Variants in PCDHA10 observed in about 807,000 individuals in gnomAD.
PCDHA10 encodes the protein protocadherin alpha 10, also known as protocadherin alpha-10.
A neutral mutation model predicts 61.2 loss-of-function variants in PCDHA10; 45 were observed. That is an observed-to-expected ratio of 0.74 (90% CI 0.58 to 0.94). PCDHA10 has a LOEUF of 0.94. Among genes scored for constraint, PCDHA10 ranks in the 40% least tolerant of loss-of-function variants. The pLI is 0.00. For synonymous variants in PCDHA10, 602 were observed against 548.8 expected (o/e 1.10, Z -1.35); for missense variants, 1,278 against 1,236.2 (o/e 1.03, Z -0.51).
At chr5:140,932,709 A>G (rs2088560759) in intron 1 of PCDHA10, among the ~76,000 whole-genome samples, 1 of 151,956 alleles carries the variant, frequency 6.6e-6, no homozygotes, top group African/African-American at 2.4e-5. Context: ...TATAGACAAC[A>G]CAATAATATT....
At chr5:140,886,921 C>T (rs778306326) in intron 1 of PCDHA10, among the ~76,000 whole-genome samples, 2 of 151,406 alleles carry the variant, frequency 1.3e-5, no homozygotes, top group African/African-American at 4.9e-5. Context: ...TGAGTGTTCT[C>T]TATGTGCCAG....
At chr5:140,882,960 C>G in intron 1 of PCDHA10, 11 of 1,614,166 alleles carry the variant, frequency 6.8e-6, no homozygotes, top group Non-Finnish European at 5.9e-6. Flanking sequence ...CTGCTCATCA[C>G]GATTCTGGAC....
At chr5:140,983,228 A>T (rs1012242202) in intron 3 of PCDHA10, among the ~76,000 whole-genome samples, 4 of 152,240 alleles carry the variant, frequency 2.6e-5, no homozygotes, top group Non-Finnish European at 4.4e-5. Context: ...CCAAACTTTC[A>T]GGAAAGAGAA....
intron 1 of PCDHA10, among the ~76,000 whole-genome samples, chr5:140,898,820 G>A (rs1303151513): frequency 6.6e-6 from 1 of 152,208 alleles, no homozygotes; most frequent in Admixed American, 6.5e-5. Context: ...TCCTACCCAT[G>A]AGCATGGAAT....
chr5:141,003,638 G>C (rs2098132492), intron 3 of PCDHA10, among the ~76,000 whole-genome samples: 1 of 152,118 alleles, frequency 6.6e-6, no homozygotes, highest in Admixed American at 6.6e-5. Flanking sequence ...TAAAGTAGAA[G>C]TGAAGATCTG....
intron 1 of PCDHA10, among the ~76,000 whole-genome samples, chr5:140,963,057 A>G (rs1004095673): frequency 1.3e-5 from 2 of 152,186 alleles, no homozygotes; most frequent in African/African-American, 4.8e-5. Context: ...AAGGGTTTCT[A>G]CATTGTGAAG....
intron 1 of PCDHA10, chr5:140,930,195 G>A (rs1427541259): frequency 6.6e-6 from 1 of 152,140 alleles, no homozygotes; most frequent in East Asian, 1.9e-4. Context: ...TAATTTTTAT[G>A]TCAGAAATAT....
In PCDHA10 at chr5:140,966,984, G is replaced by A. The variant is rs1217682338; in HGVS notation, c.2389-11965G>A. 4.4e-6 allele frequency: 7 copies of A among 1,603,802 alleles called. No individual in the cohort carries two copies. In the Admixed American group the frequency reaches 5.0e-5, roughly 11 times the overall value. Reference sequence around the variant, plus strand: ...CTGGGGCTTGAGCTGCGGCGCTTGGGGCCGGGTTGCTTGCGCATCAACCAT... The same window carrying A: ...CTGGGGCTTGAGCTGCGGCGCTTGGAGCCGGGTTGCTTGCGCATCAACCAT... On this transcript the variant is annotated intron_variant, in intron 1 of 3. Transcript: ENST00000307360.
Position 140,857,079 on chromosome 5 carries a change from A to C in PCDHA10, c.1031A>C (p.Asp344Ala). 1 of 1,597,252 alleles carries C rather than the reference A, an allele frequency of 6.3e-7. No homozygotes were observed. Among genetic ancestry groups the C allele is most frequent in the African/African-American group, 1.3e-5 (1 of 74,370 alleles). ...CTAGTGGAACTACTGGATGAAAATGATAATTCACCTGAGGTGATTGTCACT... is the reference window on the plus strand; with the variant it reads ...CTAGTGGAACTACTGGATGAAAATGCTAATTCACCTGAGGTGATTGTCACT... ...TVLVELLDEN[D>A]NSPEVIVTSL... is the part of the protein sequence containing the mutation. The change falls in exon 1 of 4, where the codon GAT becomes GCT. Residue 344 changes from aspartate (D) to alanine (A), a missense_variant. Physicochemically the swap from Asp to Ala is moderately radical, Grantham distance 126. Coordinates refer to ENST00000307360, the MANE Select transcript of PCDHA10 (RefSeq NM_018901.4).
At chr5:140,938,684 A>T (rs1554212293) in intron 1 of PCDHA10, among the ~76,000 whole-genome samples, 1 of 152,046 alleles carries the variant, frequency 6.6e-6, no homozygotes, top group African/African-American at 2.4e-5. Flanking sequence ...CATTTTCTTT[A>T]CAGTTTTTAA....
rs2093245729 is a variant in PCDHA10 at position 140,942,201 on chromosome 5, G to A, written c.2389-36748G>A. Among the ~76,000 whole-genome samples, 3 of 151,938 alleles carry A rather than the reference G, an allele frequency of 2.0e-5. No individual in the cohort carries two copies. The South Asian group carries it at 6.2e-4, about 32-fold the overall frequency. On this transcript the variant is annotated intron_variant, in intron 1 of 3. Coordinates refer to ENST00000307360, the MANE Select transcript of PCDHA10 (RefSeq NM_018901.4). Reference sequence around the variant, plus strand: ...GACATTTTATTTAAAATACATTTTTGAGCATAAGATATTTAAAATGTGTAG... The same window carrying A: ...GACATTTTATTTAAAATACATTTTTAAGCATAAGATATTTAAAATGTGTAG...
At chr5:140,941,401 C>T (rs1200707950) in intron 1 of PCDHA10, among the ~76,000 whole-genome samples, 1 of 149,796 alleles carries the variant, frequency 6.7e-6, no homozygotes, top group Non-Finnish European at 1.5e-5. Flanking sequence ...ACTGCAACCT[C>T]CGCCTCCCGG....
At chr5:140,902,920 C>T (rs1186097921) in intron 1 of PCDHA10, among the ~76,000 whole-genome samples, 1 of 152,304 alleles carries the variant, frequency 6.6e-6, no homozygotes, top group Non-Finnish European at 1.5e-5. Context: ...AGTAGTATTG[C>T]ATGGTGTATA....
chr5:140,884,209 T>G (rs1159344104), intron 1 of PCDHA10: 6 of 1,613,276 alleles, frequency 3.7e-6, no homozygotes, highest in Non-Finnish European at 3.4e-6. Context: ...ACCACCGCCT[T>G]CTGGTGCTGG....
chr5:140,984,754 A>G (rs2097118359), intron 3 of PCDHA10, among the ~76,000 whole-genome samples: 1 of 152,158 alleles, frequency 6.6e-6, no homozygotes, highest in Admixed American at 6.5e-5. Context: ...ATTTGAGTTG[A>G]ATTCTAATCC....
In PCDHA10 at chr5:140,858,604, A is replaced by T. The variant is rs547814145; in HGVS notation, c.2388+168A>T. 1.3e-3 allele frequency: 1,648 copies of T among 1,276,538 alleles called. 106 individuals carry two copies. The South Asian group carries it at 0.023, about 18-fold the overall frequency. 79.1% of individuals were successfully genotyped at this position (1,276,538 alleles called of 1,614,324 possible). ...TATAATTTATTCCAGGAGTTTTAAA[A>T]TTTTTTTATCCTACCCAGTGTGTCA... On this transcript the variant is annotated intron_variant, in intron 1 of 3. Transcript: ENST00000307360.
chr5:141,004,982 A>G (rs1445212778), intron 3 of PCDHA10, among the ~76,000 whole-genome samples: 2 of 152,234 alleles, frequency 1.3e-5, no homozygotes, highest in African/African-American at 2.4e-5. Flanking sequence ...TTGCAGTATC[A>G]TTATCTTGGT....
At chr5:140,968,992 T>C in intron 1 of PCDHA10, 1 of 1,614,220 alleles carries the variant, frequency 6.2e-7, no homozygotes, top group Non-Finnish European at 8.5e-7. Flanking sequence ...CTGCATGCTG[T>C]GGAGGCTTCT....
chr5:140,877,276 G>C, intron 1 of PCDHA10: 2 of 1,613,862 alleles, frequency 1.2e-6, no homozygotes, highest in Non-Finnish European at 1.7e-6. Flanking sequence ...CGCTGACTCC[G>C]GCTATAACGC....
Sources: gnomAD v4.1 joint callset for allele counts (sites outside exome capture counted in the v4.1 genomes callset) on GRCh38, gnomAD v4.1.1 for gene constraint, MANE v1.5 for transcripts, NCBI Gene and HGNC (gene_info 2026-07-23, HGNC 2026-07-21) for gene names.